SRBD1: variants seen among roughly 807,000 people sequenced by gnomAD.
SRBD1 encodes S1 RNA binding domain 1.
Under a neutral mutation model 115.3 loss-of-function variants are expected in SRBD1, and 88 were observed. The ratio of observed to expected loss-of-function variants is 0.76; its 90% CI spans 0.64 to 0.91. The LOEUF (loss-of-function observed/expected upper bound fraction) is 0.91. SRBD1 is among the 40% of genes least tolerant of loss of function. The pLI is 0.00. For synonymous variants in SRBD1, 509 were observed against 407.7 expected, an observed-to-expected ratio of 1.25 and a Z score of -2.99; for missense variants, 1,385 against 1,177.4, an observed-to-expected ratio of 1.18 and a Z score of -2.58.
intron 18 of SRBD1, among the ~76,000 whole-genome samples, chr2:45,414,423 T>C (rs1165532610): frequency 2.6e-5 from 4 of 151,800 alleles, no homozygotes; most frequent in Non-Finnish European, 4.4e-5. Flanking sequence ...TATATACACA[T>C]ATATACATAT....
chr2:45,530,725 T>A (rs1217063361), intron 14 of SRBD1, among the ~76,000 whole-genome samples: 1 of 152,002 alleles, frequency 6.6e-6, no homozygotes, highest in Non-Finnish European at 1.5e-5. Flanking sequence ...GTTCCTAGTA[T>A]CAGTCTCTAA....
intron 7 of SRBD1, 143 bp downstream of exon 7, chr2:45,579,732 C>A: frequency 9.9e-7 from 1 of 1,013,756 alleles, no homozygotes; most frequent in Non-Finnish European, 1.3e-6. Flanking sequence ...ATAGGTATGT[C>A]AGGATTTATT....
chr2:45,599,128 C>T (rs981942076), intron 4 of SRBD1, among the ~76,000 whole-genome samples: 8 of 152,102 alleles, frequency 5.3e-5, no homozygotes, highest in African/African-American at 1.9e-4. Flanking sequence ...AAATACAGTC[C>T]AAGTTCAAAG....
chr2:45,404,013 C>T (rs1667359985), intron 19 of SRBD1, among the ~76,000 whole-genome samples: 1 of 152,076 alleles, frequency 6.6e-6, no homozygotes, highest in African/African-American at 2.4e-5. Flanking sequence ...CTCCAGGAGC[C>T]TCCCAAAGTA....
At chr2:45,533,159 G>C (rs1267984304) in intron 14 of SRBD1, among the ~76,000 whole-genome samples, 2 of 152,020 alleles carry the variant, frequency 1.3e-5, no homozygotes, top group Admixed American at 6.6e-5. Flanking sequence ...CAATCTTAAA[G>C]TAAAAATGGT....
intron 14 of SRBD1, among the ~76,000 whole-genome samples, chr2:45,521,720 A>C (rs771731770): frequency 1.3e-5 from 2 of 152,166 alleles, no homozygotes; most frequent in African/African-American, 2.4e-5. Flanking sequence ...AAATCCCAGC[A>C]CTTTAGGTGG....
intron 14 of SRBD1, among the ~76,000 whole-genome samples, chr2:45,541,540 A>T (rs1025795625): frequency 1.3e-5 from 2 of 152,232 alleles, no homozygotes; most frequent in Non-Finnish European, 2.9e-5. Context: ...AACTTCACTG[A>T]GTGACAGAAC....
At chr2:45,465,497 C>T (rs1669458886) in intron 16 of SRBD1, among the ~76,000 whole-genome samples, 1 of 152,116 alleles carries the variant, frequency 6.6e-6, no homozygotes, top group South Asian at 2.1e-4. Flanking sequence ...AAGAAAACAC[C>T]ATGGTCCCTG....
At chr2:45,524,560 C>T (rs916389292) in intron 14 of SRBD1, among the ~76,000 whole-genome samples, 7 of 151,712 alleles carry the variant, frequency 4.6e-5, no homozygotes, top group African/African-American at 1.5e-4. Context: ...TCAAGAACAA[C>T]AAAATATTTA....
chr2:45,525,748 A>G (rs529699859), intron 14 of SRBD1, among the ~76,000 whole-genome samples: 28 of 152,152 alleles, frequency 1.8e-4, no homozygotes, highest in African/African-American at 6.3e-4. Flanking sequence ...TTAAAGAATT[A>G]AAACCACCAA....
At chr2:45,603,995 T>C (rs1439827544) in intron 2 of SRBD1, among the ~76,000 whole-genome samples, 1 of 152,104 alleles carries the variant, frequency 6.6e-6, no homozygotes, top group Non-Finnish European at 1.5e-5. Flanking sequence ...TTCCAGTCTT[T>C]CCAAAATGTC....
At chr2:45,452,788 T>C (rs968125052) in intron 16 of SRBD1, among the ~76,000 whole-genome samples, 3 of 151,848 alleles carry the variant, frequency 2.0e-5, no homozygotes, top group Non-Finnish European at 2.9e-5. Flanking sequence ...AAATTGGTTG[T>C]GGTGGGGGGG....
At chr2:45,593,430 C>G (rs977853824) in intron 4 of SRBD1, among the ~76,000 whole-genome samples, 4 of 152,142 alleles carry the variant, frequency 2.6e-5, no homozygotes, top group Non-Finnish European at 5.9e-5. Flanking sequence ...GCGGTTTCCC[C>G]TATGCTGGTC....
rs188451683 is a variant in SRBD1 at position 45,457,479 on chromosome 2, A to G, written c.2049+19514T>C. Among the ~76,000 whole-genome samples the G allele has an allele frequency of 1.4e-4, 22 of 152,070 alleles. No individual in the cohort carries two copies. In the East Asian group the frequency reaches 4.2e-3, roughly 29 times the overall value. ...GCATATGAAAATATTCACCTTTTAT[A>G]TGCCACCACTTCCTACCTGCTCCAA... On this transcript the variant is annotated intron_variant, in intron 16 of 20. Transcript: ENST00000263736.
rs944433404 is a variant in SRBD1 at position 45,549,671 on chromosome 2, C to T, written c.1675+1454G>A. On this transcript the variant is annotated intron_variant, in intron 12 of 20. Coordinates refer to ENST00000263736, the MANE Select transcript of SRBD1 (RefSeq NM_018079.5). ...TTCAAGACCAGCCTGGGCAACATGA[C>T]GAAACTCCGTCTCTACTAAAAATAC... Among the ~76,000 whole-genome samples, 15 of 117,564 alleles carry T rather than the reference C, an allele frequency of 1.3e-4. No homozygotes were observed. In the South Asian group the frequency reaches 1.8e-3, roughly 14 times the overall value. 77.1% of individuals were successfully genotyped at this position (117,564 alleles called of 152,430 possible).
intron 14 of SRBD1, among the ~76,000 whole-genome samples, chr2:45,543,799 G>T (rs553595691): frequency 6.6e-6 from 1 of 152,272 alleles, no homozygotes; most frequent in East Asian, 1.9e-4. Context: ...CTAATACAGT[G>T]TAAGTAGAGT....
intron 14 of SRBD1, among the ~76,000 whole-genome samples, chr2:45,527,537 G>A (rs1339327892): frequency 6.6e-6 from 1 of 151,176 alleles, no homozygotes; most frequent in Admixed American, 6.6e-5. Context: ...AAGAAAACAG[G>A]ATGAGCAAAA....
At chr2:45,539,095 T>C (rs72616997) in intron 14 of SRBD1, among the ~76,000 whole-genome samples, 2 of 151,944 alleles carry the variant, frequency 1.3e-5, no homozygotes, top group Middle Eastern at 3.2e-3. Flanking sequence ...TGTCGGAAAA[T>C]AGCAAATTTT....
intron 3 of SRBD1, 46 bp from the exon 4 acceptor site, chr2:45,599,881 C>A: frequency 6.5e-7 from 1 of 1,545,016 alleles, no homozygotes; most frequent in Non-Finnish European, 8.7e-7. Context: ...AGATAAAAAG[C>A]AATTTCCTGG....
Sources: gnomAD v4.1 joint callset for allele counts (sites outside exome capture counted in the v4.1 genomes callset) on GRCh38, gnomAD v4.1.1 for gene constraint, MANE v1.5 for transcripts, NCBI Gene and HGNC (gene_info 2026-07-23, HGNC 2026-07-21) for gene names.